Variants in RASAL2 observed in about 807,000 individuals in gnomAD.
The protein encoded by RASAL2 is RAS protein activator like 2, also known as ras GTPase-activating protein nGAP.
Under a neutral mutation model 128.9 loss-of-function variants are expected in RASAL2, and 58 were observed. That is an observed-to-expected ratio of 0.45 (90% CI 0.36 to 0.56). RASAL2 has a LOEUF of 0.56. RASAL2 is among the 20% of genes least tolerant of loss of function. The pLI is 0.00. For synonymous variants in RASAL2, 561 were observed against 580.8 expected, an observed-to-expected ratio of 0.97 and a Z score of 0.49; for missense variants, 1,360 against 1,601.6, an observed-to-expected ratio of 0.85 and a Z score of 2.57.
At chr1:178,454,304 C>T (rs1677607101) in intron 11 of RASAL2, 143 bp from the exon 12 acceptor site, 1 of 569,670 alleles carries the variant, frequency 1.8e-6, no homozygotes, top group African/African-American at 1.9e-5. Context: ...TATGTTATAA[C>T]ATTTATCACT....
At chr1:178,452,739 C>CCA in intron 11 of RASAL2, 87 bp downstream of exon 11, 1 of 1,052,900 alleles carries the variant, frequency 9.5e-7, no homozygotes, top group Non-Finnish European at 1.4e-6. Context: ...GGAGCCTCAT[C>CCA]ACTCATGTTA....
rs1648538994 is a variant in RASAL2 at position 178,474,529 on chromosome 1, A to C, written c.*1290A>C. The C allele has an allele frequency of 1.3e-5, 2 of 152,134 alleles. No homozygotes were observed. Among genetic ancestry groups the C allele is most frequent in the Admixed American group, 1.3e-4 (2 of 15,278 alleles). 9.4% of individuals were successfully genotyped at this position (152,134 alleles called of 1,614,324 possible). ...TCGTAGATCTGACAATAATGACCCAATTTCAACACTTGTCATCCATAGCCT... is the reference window on the plus strand; with the variant it reads ...TCGTAGATCTGACAATAATGACCCACTTTCAACACTTGTCATCCATAGCCT... On this transcript the variant is annotated 3_prime_UTR_variant, in exon 18 of 18. Transcript: ENST00000367649.
rs181531146 is a variant in RASAL2 at position 178,192,436 on chromosome 1, G to A, written c.203-91128G>A. Among the ~76,000 whole-genome samples, 166 of 152,330 alleles carry A rather than the reference G, an allele frequency of 1.1e-3. 1 individual carries two copies. The highest frequency in any genetic ancestry group is 3.7e-3 in the African/African-American group (155 of 41,580). On this transcript the variant is annotated intron_variant, in intron 1 of 17. Transcript: ENST00000367649. ...TGAATAAATTATTTTAAAATTAAAA[G>A]TGTTCAAATACAGAATGCTTTTCAA...
At chr1:178,106,482 T>C (rs1174172557) in intron 1 of RASAL2, among the ~76,000 whole-genome samples, 1 of 152,256 alleles carries the variant, frequency 6.6e-6, no homozygotes, top group Admixed American at 6.5e-5. Context: ...GGTTGCTGAT[T>C]ACTCTGTATC....
intron 1 of RASAL2, among the ~76,000 whole-genome samples, chr1:178,174,032 A>C (rs1661800079): frequency 6.6e-6 from 1 of 151,982 alleles, no homozygotes; most frequent in Non-Finnish European, 1.5e-5. Flanking sequence ...TAAGTGAGGC[A>C]GTGACATTAG....
chr1:178,377,413 AAAAAG>A (rs1410499048), intron 3 of RASAL2, among the ~76,000 whole-genome samples: 1 of 149,820 alleles, frequency 6.7e-6, no homozygotes, highest in Non-Finnish European at 1.5e-5. Context: ...CAGGAAGAGG[AAAAAG>A]AAAACAAAAC....
intron 1 of RASAL2, among the ~76,000 whole-genome samples, chr1:178,273,890 C>T (rs1164411813): frequency 6.6e-6 from 1 of 152,182 alleles, no homozygotes; most frequent in Non-Finnish European, 1.5e-5. Flanking sequence ...TTTTTCACTG[C>T]TGATATGAGT....
At chr1:178,254,857 A>T (rs1482021878) in intron 1 of RASAL2, among the ~76,000 whole-genome samples, 1 of 152,186 alleles carries the variant, frequency 6.6e-6, no homozygotes, top group Non-Finnish European at 1.5e-5. Context: ...AAAGAAATTC[A>T]TAGGCACATA....
intron 1 of RASAL2, among the ~76,000 whole-genome samples, chr1:178,114,882 T>C (rs1446981273): frequency 6.6e-6 from 1 of 152,210 alleles, no homozygotes; most frequent in Non-Finnish European, 1.5e-5. Context: ...CTTGATGTAT[T>C]ATTATTCTTT....
chr1:178,366,438 C>T (rs535352673), intron 3 of RASAL2, among the ~76,000 whole-genome samples: 18 of 152,154 alleles, frequency 1.2e-4, no homozygotes, highest in Non-Finnish European at 2.5e-4. Flanking sequence ...AATACTAAAG[C>T]AGGAGGAAAG....
At chr1:178,094,749 A>G (rs1571462438) in intron 1 of RASAL2, 55 bp downstream of exon 1, 1 of 1,598,080 alleles carries the variant, frequency 6.3e-7, no homozygotes. Flanking sequence ...GCTTGGGCTG[A>G]AATTCATTCC....
intron 3 of RASAL2, among the ~76,000 whole-genome samples, chr1:178,354,015 T>G (rs897247243): frequency 6.6e-6 from 1 of 152,174 alleles, no homozygotes; most frequent in African/African-American, 2.4e-5. Context: ...TTACAAATTT[T>G]TTTCAGTAAA....
At chr1:178,275,328 A>G (rs1478564157) in intron 1 of RASAL2, among the ~76,000 whole-genome samples, 1 of 152,258 alleles carries the variant, frequency 6.6e-6, no homozygotes, top group Non-Finnish European at 1.5e-5. Flanking sequence ...CTATAGAGGC[A>G]TGCCCTGATA....
intron 2 of RASAL2, 79 bp from the exon 3 acceptor site, chr1:178,299,913 G>T: frequency 6.8e-7 from 1 of 1,469,690 alleles, no homozygotes; most frequent in South Asian, 1.3e-5. Context: ...TGTCTTCTTT[G>T]ACTAAAACCA....
intron 1 of RASAL2, among the ~76,000 whole-genome samples, chr1:178,146,269 A>G (rs754805447): frequency 2.0e-5 from 3 of 152,224 alleles, no homozygotes; most frequent in Non-Finnish European, 2.9e-5. Context: ...ACAGAGAGGA[A>G]TGGTTGTCCT....
At chr1:178,298,678 A>G (rs1408849250) in intron 2 of RASAL2, among the ~76,000 whole-genome samples, 1 of 152,228 alleles carries the variant, frequency 6.6e-6, no homozygotes, top group African/African-American at 2.4e-5. Context: ...TCTTAAAAGG[A>G]GATAATAATA....
intron 1 of RASAL2, 118 bp downstream of exon 1, chr1:178,094,812 A>AT: frequency 7.9e-7 from 1 of 1,258,072 alleles, no homozygotes; most frequent in Non-Finnish European, 1.1e-6. Context: ...AGTTTCCCAC[A>AT]TCCCTTTTTG....
Position 178,439,514 on chromosome 1 carries a change from G to C in RASAL2, c.767G>C (p.Gly256Ala). The C allele has an allele frequency of 6.2e-7, 1 of 1,612,900 alleles. No homozygotes were observed. Residue 256 changes from glycine to alanine, a missense_variant, in exon 6 of 18, where the codon GGG becomes GCG. By Grantham distance (60) the Gly-to-Ala change is moderately conservative. Coordinates refer to ENST00000367649, the MANE Select transcript of RASAL2 (RefSeq NM_170692.4). ...GTGGAATGTCTGGATCTTGGTAGAGGGGAACCTGTATCAGTGAAACCACTT... is the reference window on the plus strand; with the variant it reads ...GTGGAATGTCTGGATCTTGGTAGAGCGGAACCTGTATCAGTGAAACCACTT... ...STVECLDLGRGEPVSVKPLHS... is the reference protein window; with the variant it reads ...STVECLDLGRAEPVSVKPLHS...
At chr1:178,364,145 CACTA>C (rs1671274774) in intron 3 of RASAL2, among the ~76,000 whole-genome samples, 1 of 151,720 alleles carries the variant, frequency 6.6e-6, no homozygotes, top group African/African-American at 2.4e-5. Context: ...TTTATTTGGC[CACTA>C]ACTCTCTGGA....
Sources: allele counts gnomAD v4.1 joint callset (sites outside exome capture counted in the v4.1 genomes callset), GRCh38; gene constraint gnomAD v4.1.1; transcripts MANE v1.5; gene names NCBI Gene and HGNC (gene_info 2026-07-23, HGNC 2026-07-21).